Variants in INO80D observed in about 807,000 individuals in gnomAD.
INO80D encodes the protein INO80 complex subunit D.
Under a neutral mutation model 87.6 loss-of-function variants are expected in INO80D, and 21 were observed. The observed-to-expected ratio is 0.24, with a 90% CI of 0.17 to 0.35. The LOEUF (loss-of-function observed/expected upper bound fraction) is 0.35, where lower values mean the gene tolerates loss of function less well. Among genes scored for constraint, INO80D ranks in the 10% least tolerant of loss-of-function variants. INO80D has a pLI of 1.00. For synonymous variants in INO80D, 440 were observed against 491.0 expected, an observed-to-expected ratio of 0.90 and a Z score of 1.37; for missense variants, 982 against 1,280.7, an observed-to-expected ratio of 0.77 and a Z score of 3.56.
chr2:206,000,791 A>C lies in INO80D; in HGVS notation c.*3577T>G, dbSNP rs2105787258. The C allele has an allele frequency of 6.6e-6, 1 of 152,348 alleles. No individual in the cohort carries two copies. Among genetic ancestry groups the C allele is most frequent in the Non-Finnish European group, 1.5e-5 (1 of 68,026 alleles). The allele number at this position is 152,348 out of a possible 1,614,324, so 9.4% of individuals were successfully genotyped here. Reference sequence around the variant, plus strand: ...AGCTTTCTTTAGCCTCAAGCCACTAAAGACAGTAACACCAATTTTAAGGAA... The same window carrying C: ...AGCTTTCTTTAGCCTCAAGCCACTACAGACAGTAACACCAATTTTAAGGAA... On this transcript the variant is annotated 3_prime_UTR_variant, in exon 11 of 11. Coordinates refer to ENST00000403263, the MANE Select transcript of INO80D (RefSeq NM_017759.5).
At chr2:206,019,987 G>A (rs1337401568) in intron 6 of INO80D, 142 bp from the exon 7 acceptor site, 8 of 532,800 alleles carry the variant, frequency 1.5e-5, no homozygotes, top group Non-Finnish European at 2.3e-5. Flanking sequence ...ATGCAAATGT[G>A]ATTTAAAGAA....
chr2:206,026,233 T>C (rs1322540151), intron 6 of INO80D, among the ~76,000 whole-genome samples: 4 of 152,110 alleles, frequency 2.6e-5, no homozygotes, highest in African/African-American at 9.7e-5. Context: ...TTTAGTGCTT[T>C]AAATGTGTAT....
chr2:206,038,241 G>C (rs1332878127), intron 5 of INO80D, among the ~76,000 whole-genome samples: 1 of 152,120 alleles, frequency 6.6e-6, no homozygotes, highest in Admixed American at 6.5e-5. Context: ...AAATAATATG[G>C]AAATAAAATT....
intron 5 of INO80D, among the ~76,000 whole-genome samples, chr2:206,041,420 T>C (rs887311168): frequency 2.6e-5 from 4 of 152,200 alleles, no homozygotes; most frequent in African/African-American, 9.7e-5. Flanking sequence ...GCTATGTTAA[T>C]GCCACATAAG....
intron 5 of INO80D, among the ~76,000 whole-genome samples, chr2:206,039,051 A>G (rs764826199): frequency 3.9e-5 from 6 of 152,222 alleles, no homozygotes; most frequent in Non-Finnish European, 7.3e-5. Context: ...TCATACTTAC[A>G]AAGACCCCGA....
rs1211905811 is a variant in INO80D, at chr2:206,056,853, C to T, written c.309G>A (p.Arg103=). ...TAAAGGCCATGGTATCCATCTGGTG[C>T]CTGACCTTCACCTCATCTATAGGAT... The part of the protein sequence containing the change: ...KNDPIDEVKV[R]HQMDTMAFSL... The change falls in exon 4 of 11, where the codon AGG becomes AGA. Residue 103 remains arginine (R), a synonymous_variant. Transcript: ENST00000403263. The T allele has an allele frequency of 6.2e-7, 1 of 1,611,558 alleles. No homozygotes were observed. Among genetic ancestry groups the T allele is most frequent in the Admixed American group, 1.7e-5 (1 of 59,564 alleles).
rs1162594879 is a variant in INO80D at position 206,009,561 on chromosome 2, C to T, written c.1760+16G>A. 1 of 1,579,712 alleles carries T rather than the reference C, an allele frequency of 6.3e-7. No individual in the cohort carries two copies. Among genetic ancestry groups the T allele is most frequent in the Non-Finnish European group, 8.6e-7 (1 of 1,165,580 alleles). ...CAAAATGTAAAGAAAAATTAGGTGC[C>T]AGTGGCACCACTGACCGGATGTGAG... On this transcript the variant is annotated intron_variant, in intron 9 of 10. Coordinates refer to ENST00000403263, the MANE Select transcript of INO80D (RefSeq NM_017759.5).
At chr2:206,006,688 A>G (rs1207226576) in intron 10 of INO80D, among the ~76,000 whole-genome samples, 1 of 152,044 alleles carries the variant, frequency 6.6e-6, no homozygotes, top group Non-Finnish European at 1.5e-5. Flanking sequence ...ATCTCAAAAA[A>G]AAAAAAAAAA....
chr2:206,054,175 T>A (rs1689452254), intron 4 of INO80D, among the ~76,000 whole-genome samples: 1 of 151,076 alleles, frequency 6.6e-6, no homozygotes, highest in African/African-American at 2.4e-5. Flanking sequence ...TAATATTTCT[T>A]TTCTTTTCTT....
chr2:206,042,058 G>A (rs966659975), intron 5 of INO80D, among the ~76,000 whole-genome samples: 1 of 152,064 alleles, frequency 6.6e-6, no homozygotes, highest in African/African-American at 2.4e-5. Flanking sequence ...CTTAAGCCAG[G>A]AGGTCAAGGC....
intron 9 of INO80D, 103 bp from the exon 10 acceptor site, chr2:206,007,544 G>A: frequency 2.3e-6 from 3 of 1,320,130 alleles, no homozygotes; most frequent in Non-Finnish European, 3.1e-6. Flanking sequence ...ACGTCAGGCA[G>A]GGCACAGTGG....
rs1553623578 is a variant in INO80D at position 206,084,273 on chromosome 2, A to ACACACC, written c.-124+1627_-124+1628insGGTGTG. Among the ~76,000 whole-genome samples, 345 of 144,502 alleles carry ACACACC rather than the reference A, an allele frequency of 2.4e-3. 1 individual carries two copies. Among genetic ancestry groups the ACACACC allele is most frequent in the Middle Eastern group, 7.1e-3 (2 of 282 alleles). The allele number at this position is 144,502 out of a possible 152,430, so 94.8% of individuals were successfully genotyped here. On this transcript the variant is annotated intron_variant, in intron 1 of 10. Coordinates refer to ENST00000403263, the MANE Select transcript of INO80D (RefSeq NM_017759.5). ...CACACACACACACACACACACACACACCCCAAAACCAAAGTAGTTTTGCTA... is the reference window on the plus strand; with the variant it reads ...CACACACACACACACACACACACACACACACCCCCCAAAACCAAAGTAGTTTTGCTA...
At chr2:206,069,835 A>C (rs1198421270) in intron 1 of INO80D, among the ~76,000 whole-genome samples, 2 of 152,180 alleles carry the variant, frequency 1.3e-5, no homozygotes, top group Non-Finnish European at 2.9e-5. Context: ...CTACATTTAA[A>C]TTTATTCAAT....
chr2:206,067,325 A>G (rs186618276), intron 1 of INO80D, among the ~76,000 whole-genome samples: 44 of 152,086 alleles, frequency 2.9e-4, no homozygotes, highest in African/African-American at 9.9e-4. Context: ...GGGAAAGAAG[A>G]GAATATGGAG....
At chr2:206,051,659 GT>G (rs890955072) in intron 4 of INO80D, among the ~76,000 whole-genome samples, 15 of 147,326 alleles carry the variant, frequency 1.0e-4, no homozygotes, top group Non-Finnish European at 1.5e-4. Context: ...TTTCTAAGAA[GT>G]TTTTTTTTTT....
intron 9 of INO80D, among the ~76,000 whole-genome samples, chr2:206,008,801 T>C (rs918135): frequency 0.3 from 45,178 of 152,066 alleles, 7,266 homozygotes; most frequent in Admixed American, 0.36. Context: ...ATTTGGTGTA[T>C]CAAGTGTGTC....
At chr2:206,068,811 C>T (rs1218745342) in intron 1 of INO80D, among the ~76,000 whole-genome samples, 2 of 152,018 alleles carry the variant, frequency 1.3e-5, no homozygotes, top group Admixed American at 6.6e-5. Flanking sequence ...GCAATCCTCC[C>T]ACCTCAGCCT....
intron 4 of INO80D, among the ~76,000 whole-genome samples, chr2:206,053,982 G>A: frequency 6.6e-6 from 1 of 151,910 alleles, no homozygotes; most frequent in East Asian, 1.9e-4. Flanking sequence ...TGGGATTACA[G>A]GCGCACACCA....
chr2:206,045,067 G>T (rs1323822419), intron 5 of INO80D, among the ~76,000 whole-genome samples: 2 of 152,096 alleles, frequency 1.3e-5, no homozygotes, highest in Non-Finnish European at 2.9e-5. Flanking sequence ...ACAACTGGGT[G>T]GGAGATAAAT....
Sources: allele counts gnomAD v4.1 joint callset (sites outside exome capture counted in the v4.1 genomes callset), GRCh38; gene constraint gnomAD v4.1.1; transcripts MANE v1.5; gene names NCBI Gene and HGNC (gene_info 2026-07-23, HGNC 2026-07-21).